MYO10: variants seen among roughly 807,000 people sequenced by gnomAD.
MYO10 encodes myosin X, also known as unconventional myosin-X.
In MYO10, 133 loss-of-function variants were observed where a neutral mutation model predicts 257.3. The ratio of observed to expected loss-of-function variants is 0.52; its 90% CI spans 0.45 to 0.60. MYO10 has a LOEUF of 0.60. Among genes scored for constraint, MYO10 ranks in the 20% least tolerant of loss-of-function variants. MYO10 has a pLI of 0.00. For missense variants in MYO10, 2,399 were observed against 2,635.7 expected (o/e 0.91, Z 1.97); for synonymous variants, 1,104 against 1,028.6 (o/e 1.07, Z -1.40).
At chr5:16,806,864 T>A (rs1401611916) in intron 3 of MYO10, among the ~76,000 whole-genome samples, 4 of 152,146 alleles carry the variant, frequency 2.6e-5, no homozygotes, top group African/African-American at 9.7e-5. Context: ...GGGACTAAGA[T>A]TCTGATCAGT....
At chr5:16,828,304 C>A (rs1453699840) in intron 2 of MYO10, among the ~76,000 whole-genome samples, 2 of 151,988 alleles carry the variant, frequency 1.3e-5, no homozygotes, top group African/African-American at 4.8e-5. Context: ...AAAGAGATCG[C>A]TGAGGGTGGA....
Position 16,679,088 on chromosome 5 carries a change from T to C in MYO10, c.4542+859A>G, listed in dbSNP as rs1230484076. On this transcript the variant is annotated intron_variant, in intron 33 of 40. Transcript: ENST00000513610. Reference sequence around the variant, plus strand: ...CGTACTTATAAACAGCAATTTGTAATGTAACATGCTCGGTGTTAATAGAGA... The same window carrying C: ...CGTACTTATAAACAGCAATTTGTAACGTAACATGCTCGGTGTTAATAGAGA... 2.6e-5 allele frequency among the ~76,000 whole-genome samples: 4 copies of C among 152,230 alleles called. No homozygotes were observed. In the East Asian group the frequency reaches 5.8e-4, roughly 22 times the overall value.
chr5:16,839,102 T>C (rs953383675), intron 2 of MYO10, among the ~76,000 whole-genome samples: 1 of 152,194 alleles, frequency 6.6e-6, no homozygotes, highest in African/African-American at 2.4e-5. Flanking sequence ...AGGAGTAACT[T>C]TGACTCTCAA....
chr5:16,764,567 A>C (rs1259153539), intron 11 of MYO10, among the ~76,000 whole-genome samples, 171 bp from the exon 12 acceptor site: 3 of 152,234 alleles, frequency 2.0e-5, no homozygotes, highest in African/African-American at 7.2e-5. Context: ...GAAAAGATAA[A>C]CTGGAATTCA....
At chr5:16,822,872 A>G (rs919877117) in intron 2 of MYO10, among the ~76,000 whole-genome samples, 3 of 151,758 alleles carry the variant, frequency 2.0e-5, no homozygotes, top group Non-Finnish European at 4.4e-5. Context: ...TATTTTTAGT[A>G]GAGACGGGGT....
chr5:16,689,787 G>C (rs761940243), intron 28 of MYO10, 37 bp downstream of exon 28: 9 of 1,500,804 alleles, frequency 6.0e-6, no homozygotes, highest in East Asian at 4.5e-5. Flanking sequence ...TGAGGGAGCA[G>C]GATGTGGGTA....
chr5:16,768,988 C>T, intron 10 of MYO10, 86 bp downstream of exon 10: 1 of 1,438,388 alleles, frequency 7.0e-7, no homozygotes, highest in Non-Finnish European at 9.1e-7. Flanking sequence ...AATTTTCTTT[C>T]TGAAAGGCTA....
chr5:16,797,587 CA>C (rs1742007376), intron 3 of MYO10, among the ~76,000 whole-genome samples: 1 of 152,210 alleles, frequency 6.6e-6, no homozygotes, highest in South Asian at 2.1e-4. Flanking sequence ...GGCCCATCAT[CA>C]GATGAATGGA....
intron 2 of MYO10, among the ~76,000 whole-genome samples, chr5:16,869,021 T>A (rs1744368111): frequency 7.0e-6 from 1 of 143,146 alleles, no homozygotes; most frequent in African/African-American, 2.8e-5. Context: ...ATCCTACTGC[T>A]TTGTTTTTTG....
intron 1 of MYO10, among the ~76,000 whole-genome samples, chr5:16,882,764 C>A (rs1017238072): frequency 6.6e-5 from 10 of 152,194 alleles, no homozygotes; most frequent in African/African-American, 2.4e-4. Context: ...GGGACAGTGA[C>A]TGAGTGAAAA....
Position 16,859,522 on chromosome 5 carries a change from G to A in MYO10, c.120+18087C>T, listed in dbSNP as rs574528586. Among the ~76,000 whole-genome samples the A allele has an allele frequency of 9.9e-5, 15 of 152,260 alleles. 1 individual carries two copies. The South Asian group carries it at 2.7e-3, about 27-fold the overall frequency. On this transcript the variant is annotated intron_variant, in intron 2 of 40. Transcript: ENST00000513610. ...GTGCTTTGGGAGGCTGAGGCAGGAGGATCATTTGAGGCCAAAAGTTTGAGA... is the reference window on the plus strand; with the variant it reads ...GTGCTTTGGGAGGCTGAGGCAGGAGAATCATTTGAGGCCAAAAGTTTGAGA...
chr5:16,751,584 T>C (rs1429616563), intron 19 of MYO10, among the ~76,000 whole-genome samples: 1 of 151,820 alleles, frequency 6.6e-6, no homozygotes, highest in Non-Finnish European at 1.5e-5. Flanking sequence ...CAGGTTCAGG[T>C]AATTCTCCTG....
At chr5:16,793,662 G>A (rs1290566601) in intron 4 of MYO10, among the ~76,000 whole-genome samples, 1 of 152,028 alleles carries the variant, frequency 6.6e-6, no homozygotes, top group Non-Finnish European at 1.5e-5. Flanking sequence ...GGGAGCGGTG[G>A]CTCACGCCTG....
chr5:16,774,615 G>A (rs1345976197), intron 9 of MYO10, among the ~76,000 whole-genome samples: 5 of 151,914 alleles, frequency 3.3e-5, no homozygotes, highest in Non-Finnish European at 7.4e-5. Flanking sequence ...TAGAGACGGG[G>A]TTTCACTGTG....
At chr5:16,735,174 T>C (rs1436854082) in intron 19 of MYO10, among the ~76,000 whole-genome samples, 1 of 152,186 alleles carries the variant, frequency 6.6e-6, no homozygotes, top group Non-Finnish European at 1.5e-5. Context: ...TTGTTCGCCA[T>C]AAATTGTCTA....
intron 1 of MYO10, among the ~76,000 whole-genome samples, chr5:16,924,156 T>C (rs1026479668): frequency 6.6e-6 from 1 of 152,168 alleles, no homozygotes; most frequent in Non-Finnish European, 1.5e-5. Flanking sequence ...CCCCAGGCAA[T>C]GTACAGCCTA....
intron 19 of MYO10, among the ~76,000 whole-genome samples, chr5:16,747,937 A>AAAAAAAAAAGAAAAAAAAAG (rs1560963379): frequency 8.1e-6 from 1 of 122,998 alleles, no homozygotes; most frequent in African/African-American, 4.8e-5. Flanking sequence ...AAAAAAAAAA[A>AAAAAAAAAAGAAAAAAAAAG]AAAAAAAAAG....
chr5:16,918,442 G>GCATTC (rs1309977419), intron 1 of MYO10, among the ~76,000 whole-genome samples: 1 of 151,526 alleles, frequency 6.6e-6, no homozygotes, highest in African/African-American at 2.4e-5. Flanking sequence ...TGTGGCCTTG[G>GCATTC]CATTCCACAC....
intron 2 of MYO10, among the ~76,000 whole-genome samples, chr5:16,844,305 A>T (rs1743567017): frequency 6.6e-6 from 1 of 152,208 alleles, no homozygotes; most frequent in South Asian, 2.1e-4. Context: ...TCACAGGAGA[A>T]ACAAATATTT....
Sources: allele counts gnomAD v4.1 joint callset (sites outside exome capture counted in the v4.1 genomes callset), GRCh38; gene constraint gnomAD v4.1.1; transcripts MANE v1.5; gene names NCBI Gene and HGNC (gene_info 2026-07-23, HGNC 2026-07-21).